Variants in CD46 observed in about 807,000 individuals in gnomAD.
The protein encoded by CD46 is CD46 molecule, also known as membrane cofactor protein.
A neutral mutation model predicts 53.3 loss-of-function variants in CD46; 30 were observed. That is an observed-to-expected ratio of 0.56 (90% CI 0.42 to 0.76). CD46 has a LOEUF of 0.76. Ranked by LOEUF, CD46 falls within the 30% of genes least tolerant of loss-of-function variation. The pLI is 0.00. For synonymous variants in CD46, 142 were observed against 152.0 expected (o/e 0.93, Z 0.48); for missense variants, 409 against 463.0 (o/e 0.88, Z 1.07).
intron 6 of CD46, 183 bp downstream of exon 6, chr1:207,767,378 C>A (rs1471469933): frequency 1.4e-6 from 1 of 725,382 alleles, no homozygotes; most frequent in Non-Finnish European, 2.3e-6. Context: ...ACATAAAATT[C>A]TGCTGTTGTG....
At chr1:207,781,540 C>T (rs1453107590) in intron 8 of CD46, among the ~76,000 whole-genome samples, 2 of 152,112 alleles carry the variant, frequency 1.3e-5, no homozygotes, top group Admixed American at 6.6e-5. Context: ...CTGTTTTCTT[C>T]TGAGAGTTTT....
intron 7 of CD46, chr1:207,768,830 TC>T (rs1187196390): frequency 2.0e-5 from 3 of 152,228 alleles, no homozygotes; most frequent in Non-Finnish European, 2.9e-5. Context: ...TCTGTGGTCT[TC>T]AGTTTCCCTT....
At chr1:207,758,540 GA>G (rs1655825550) in intron 3 of CD46, among the ~76,000 whole-genome samples, 1 of 152,186 alleles carries the variant, frequency 6.6e-6, no homozygotes, top group African/African-American at 2.4e-5. Flanking sequence ...AGACCCTCTA[GA>G]AAGGCATTAT....
intron 5 of CD46, among the ~76,000 whole-genome samples, chr1:207,766,151 GA>G (rs1454901056): frequency 6.6e-6 from 1 of 152,198 alleles, no homozygotes; most frequent in Non-Finnish European, 1.5e-5. Context: ...TGAGGGGGAA[GA>G]GGGGTAACTC....
At chr1:207,787,017 C>T (rs1316011416) in intron 11 of CD46, among the ~76,000 whole-genome samples, 2 of 152,136 alleles carry the variant, frequency 1.3e-5, no homozygotes, top group African/African-American at 2.4e-5. Flanking sequence ...TTTAAAGGTT[C>T]ATTAACAAGT....
At chr1:207,762,240 A>G (rs1656297613) in intron 5 of CD46, among the ~76,000 whole-genome samples, 1 of 152,244 alleles carries the variant, frequency 6.6e-6, no homozygotes, top group African/African-American at 2.4e-5. Flanking sequence ...ATCTCAAAAT[A>G]TCCAAATATG....
intron 5 of CD46, among the ~76,000 whole-genome samples, chr1:207,764,235 C>T (rs41317803): frequency 1.3e-5 from 2 of 152,238 alleles, no homozygotes; most frequent in Non-Finnish European, 2.9e-5. Flanking sequence ...CACGGAGCTG[C>T]GGTGCGCCAG....
At chr1:207,766,961 T>A in intron 5 of CD46, 52 bp from the exon 6 acceptor site, 1 of 1,447,536 alleles carries the variant, frequency 6.9e-7, no homozygotes, top group Admixed American at 1.7e-5. Context: ...TTGTACTACT[T>A]TTTCTGCTAA....
chr1:207,783,245 C>A (rs765992257), intron 8 of CD46, 47 bp from the exon 9 acceptor site: 4 of 1,038,418 alleles, frequency 3.9e-6, no homozygotes, highest in South Asian at 2.7e-5. Flanking sequence ...ATATTTAATT[C>A]TTTCCTTCTT....
chr1:207,782,844 G>T (rs557509902), intron 8 of CD46, among the ~76,000 whole-genome samples: 74 of 149,266 alleles, frequency 5.0e-4, no homozygotes, highest in Non-Finnish European at 9.3e-4. Context: ...TAGTAGAGAC[G>T]GGGTGTCACC....
At chr1:207,779,823 AT>A (rs1232585555) in intron 8 of CD46, among the ~76,000 whole-genome samples, 2 of 149,130 alleles carry the variant, frequency 1.3e-5, no homozygotes, top group Non-Finnish European at 3.0e-5. Context: ...TGAAATGTCA[AT>A]TTGTATCATA....
At chr1:207,754,032 G>A (rs1655225769) in intron 1 of CD46, among the ~76,000 whole-genome samples, 1 of 152,158 alleles carries the variant, frequency 6.6e-6, no homozygotes, top group Admixed American at 6.5e-5. Context: ...AATGATAAGT[G>A]CTCAGTGCCG....
intron 8 of CD46, among the ~76,000 whole-genome samples, chr1:207,775,023 A>G (rs969977771): frequency 3.3e-5 from 5 of 152,200 alleles, no homozygotes; most frequent in South Asian, 4.1e-4. Flanking sequence ...AGGTACACCA[A>G]TCAAACGTAG....
chr1:207,794,992 C>G lies in CD46; in HGVS notation c.*1515C>G, dbSNP rs1660126589. On this transcript the variant is annotated 3_prime_UTR_variant, in exon 13 of 13. Transcript: ENST00000367042. The stretch of plus-strand genomic sequence containing the variant: ...TGTTTATAGTGCTCTGTAAATGTTC[C>G]TTTCCTTTGTAGTCTCTGGCAAGAT... 6.6e-6 allele frequency: 1 copy of G among 152,196 alleles called. No homozygotes were observed. Among genetic ancestry groups the G allele is most frequent in the Non-Finnish European group, 1.5e-5 (1 of 68,030 alleles). The allele number at this position is 152,196 out of a possible 1,614,324, so 9.4% of individuals were successfully genotyped here.
chr1:207,759,403 C>T (rs1484639353), intron 3 of CD46, among the ~76,000 whole-genome samples: 3 of 152,212 alleles, frequency 2.0e-5, no homozygotes, highest in Non-Finnish European at 4.4e-5. Context: ...GGTGGAAAGG[C>T]ACAGCAGATT....
chr1:207,754,868 T>TC (rs397712014), intron 1 of CD46, among the ~76,000 whole-genome samples: 1 of 151,352 alleles, frequency 6.6e-6, no homozygotes, highest in Non-Finnish European at 1.5e-5. Flanking sequence ...TTTTTTTTTT[T>TC]CTTTTAAGAT....
chr1:207,790,488 A>T, intron 12 of CD46, 143 bp downstream of exon 12: 2 of 604,386 alleles, frequency 3.3e-6, no homozygotes, highest in Non-Finnish European at 5.9e-6. Flanking sequence ...CCTTTGCTAA[A>T]TTATTGATGT....
intron 8 of CD46, among the ~76,000 whole-genome samples, chr1:207,773,605 CG>C (rs1390742708): frequency 6.6e-6 from 1 of 152,094 alleles, no homozygotes; most frequent in Non-Finnish European, 1.5e-5. Flanking sequence ...TCTTTGTTCT[CG>C]TTGGTTTTAA....
chr1:207,783,237 A>C, intron 8 of CD46, 55 bp from the exon 9 acceptor site: 2 of 959,822 alleles, frequency 2.1e-6, no homozygotes, highest in Non-Finnish European at 3.3e-6. Flanking sequence ...TAAGCTTTAT[A>C]TTTAATTCTT....
Sources: allele counts gnomAD v4.1 joint callset (sites outside exome capture counted in the v4.1 genomes callset), GRCh38; gene constraint gnomAD v4.1.1; transcripts MANE v1.5; gene names NCBI Gene and HGNC (gene_info 2026-07-23, HGNC 2026-07-21).